The following DGKB variants were observed in gnomAD, a reference collection of about 807,000 sequenced individuals.
DGKB encodes diacylglycerol kinase beta, also known as 90 kDa diacylglycerol kinase.
Under a neutral mutation model 114.3 loss-of-function variants are expected in DGKB, and 67 were observed. The observed-to-expected ratio is 0.59, with a 90% CI of 0.48 to 0.72. DGKB has a LOEUF of 0.72. Ranked by LOEUF, DGKB falls within the 30% of genes least tolerant of loss-of-function variation. DGKB has a pLI of 0.00. For synonymous variants in DGKB, 398 were observed against 323.1 expected (o/e 1.23, Z -2.49); for missense variants, 907 against 975.2 (o/e 0.93, Z 0.93).
intron 6 of DGKB, among the ~76,000 whole-genome samples, chr7:14,706,417 A>G (rs1356480476): frequency 6.7e-6 from 1 of 148,430 alleles, no homozygotes; most frequent in African/African-American, 2.5e-5. Context: ...CGAGACAGAA[A>G]GTCAACAAGG....
At chr7:14,524,591 A>G (rs529527334) in intron 20 of DGKB, among the ~76,000 whole-genome samples, 30 of 152,118 alleles carry the variant, frequency 2.0e-4, no homozygotes, top group Admixed American at 6.6e-4. Flanking sequence ...CCCTGTCCCT[A>G]CTAAAAATAG....
At chr7:14,222,898 C>A (rs146315067) in intron 23 of DGKB, among the ~76,000 whole-genome samples, 1 of 151,448 alleles carries the variant, frequency 6.6e-6, no homozygotes, top group Non-Finnish European at 1.5e-5. Context: ...TATTAAATGT[C>A]CTTCTTTATC....
chr7:14,726,871 G>C (rs930284702), intron 5 of DGKB, among the ~76,000 whole-genome samples: 5 of 152,074 alleles, frequency 3.3e-5, no homozygotes, highest in Non-Finnish European at 5.9e-5. Context: ...CAGACCCCAG[G>C]TACTGAGGAT....
At chr7:14,759,583 A>T (rs187975733) in intron 2 of DGKB, among the ~76,000 whole-genome samples, 115 of 152,280 alleles carry the variant, frequency 7.6e-4, no homozygotes, top group African/African-American at 2.7e-3. Context: ...AACATGTATC[A>T]GTACTTCACT....
At chr7:14,567,877 G>A (rs1797827690) in intron 20 of DGKB, among the ~76,000 whole-genome samples, 1 of 151,918 alleles carries the variant, frequency 6.6e-6, no homozygotes, top group South Asian at 2.1e-4. Context: ...AAAGTGCTGG[G>A]ATTAAAGGCG....
intron 25 of DGKB, 135 bp from the exon 26 acceptor site, chr7:14,149,373 A>G: frequency 3.2e-6 from 2 of 617,630 alleles, no homozygotes; most frequent in Non-Finnish European, 5.4e-6. Flanking sequence ...GTAAAATGTA[A>G]TTTCAGAGTT....
intron 20 of DGKB, among the ~76,000 whole-genome samples, chr7:14,553,599 G>T (rs182887145): frequency 6.6e-6 from 1 of 152,156 alleles, no homozygotes; most frequent in African/African-American, 2.4e-5. Flanking sequence ...TTCAATAAAA[G>T]GCAGCACTGT....
At chr7:14,297,904 A>G (rs932900919) in intron 23 of DGKB, among the ~76,000 whole-genome samples, 1 of 152,148 alleles carries the variant, frequency 6.6e-6, no homozygotes, top group Non-Finnish European at 1.5e-5. Context: ...TTTCCTATAC[A>G]CCAATAATAG....
intron 13 of DGKB, among the ~76,000 whole-genome samples, chr7:14,654,018 C>A (rs1330568079): frequency 2.0e-4 from 31 of 152,026 alleles, no homozygotes; most frequent in Non-Finnish European, 3.2e-4. Context: ...CAACATACTA[C>A]TAGCAGACCT....
chr7:14,334,271 T>C (rs1354417450), intron 23 of DGKB, among the ~76,000 whole-genome samples: 1 of 152,096 alleles, frequency 6.6e-6, no homozygotes, highest in African/African-American at 2.4e-5. Context: ...TCTCATGAGA[T>C]ATGCAAAGAC....
chr7:14,540,409 A>G (rs1793231382), intron 20 of DGKB, among the ~76,000 whole-genome samples: 1 of 152,146 alleles, frequency 6.6e-6, no homozygotes. Flanking sequence ...TGAAAATTAA[A>G]CAAAAGTTCA....
At chr7:14,553,300 T>C (rs956894875) in intron 20 of DGKB, among the ~76,000 whole-genome samples, 5 of 152,236 alleles carry the variant, frequency 3.3e-5, no homozygotes. Context: ...TTGTTTATTG[T>C]GTCCCATTCC....
At chr7:14,332,800 T>G (rs1028824822) in intron 23 of DGKB, among the ~76,000 whole-genome samples, 1 of 152,154 alleles carries the variant, frequency 6.6e-6, no homozygotes, top group Non-Finnish European at 1.5e-5. Flanking sequence ...AAGAGTATCA[T>G]TGTTAAATGT....
intron 2 of DGKB, among the ~76,000 whole-genome samples, chr7:14,825,936 T>C (rs544539152): frequency 6.6e-6 from 1 of 152,310 alleles, no homozygotes; most frequent in South Asian, 2.1e-4. Context: ...TTGGGCTTTC[T>C]GACTAATTCT....
intron 4 of DGKB, among the ~76,000 whole-genome samples, chr7:14,740,154 G>C (rs1339196395): frequency 3.3e-5 from 5 of 151,922 alleles, no homozygotes; most frequent in African/African-American, 9.7e-5. Flanking sequence ...GTCCAGCTCA[G>C]TGGGACAACA....
intron 6 of DGKB, among the ~76,000 whole-genome samples, chr7:14,711,153 G>A (rs956711831): frequency 6.6e-6 from 1 of 151,976 alleles, no homozygotes; most frequent in African/African-American, 2.4e-5. Context: ...AGTGACTGAA[G>A]AAACTAATAT....
At chr7:14,686,781 C>T (rs758450902) in intron 9 of DGKB, among the ~76,000 whole-genome samples, 7 of 151,878 alleles carry the variant, frequency 4.6e-5, no homozygotes, top group African/African-American at 9.7e-5. Context: ...GCTTCCTGGG[C>T]GATAATTCTT....
intron 17 of DGKB, among the ~76,000 whole-genome samples, chr7:14,586,784 G>T (rs1031172786): frequency 2.0e-5 from 3 of 151,542 alleles, no homozygotes; most frequent in African/African-American, 4.8e-5. Context: ...GGAACAAAGC[G>T]TGAGGGATAT....
At position 14,431,668 on chromosome 7, in the gene DGKB, T is replaced by C. The variant is rs1828469105; in HGVS notation, c.1835+46493A>G. On this transcript the variant is annotated intron_variant, in intron 21 of 25. Transcript: ENST00000402815. ...TAAAATTATATTTTATTGTGGTAAGTCATTAAGGAGCAAATTTTCTGACAA... is the reference window on the plus strand; with the variant it reads ...TAAAATTATATTTTATTGTGGTAAGCCATTAAGGAGCAAATTTTCTGACAA... Among the ~76,000 whole-genome samples, 7 of 152,300 alleles carry C rather than the reference T, an allele frequency of 4.6e-5. No homozygotes were observed. In the South Asian group the frequency reaches 1.5e-3, roughly 32 times the overall value.
Sources: allele counts gnomAD v4.1 joint callset (sites outside exome capture counted in the v4.1 genomes callset), GRCh38; gene constraint gnomAD v4.1.1; transcripts MANE v1.5; gene names NCBI Gene and HGNC (gene_info 2026-07-23, HGNC 2026-07-21).